The following UGT1A3 variants were observed in gnomAD, a reference collection of about 807,000 sequenced individuals.
The protein encoded by UGT1A3 is UDP glucuronosyltransferase family 1 member A3.
A neutral mutation model predicts 41.0 loss-of-function variants in UGT1A3; 31 were observed. The ratio of observed to expected loss-of-function variants is 0.76; its 90% CI spans 0.57 to 1.02. The LOEUF is 1.02. UGT1A3 is among the 50% of genes least tolerant of loss of function. The probability of loss-of-function intolerance (pLI) is 0.00; values close to 1 mark genes in which losing one functional copy is unlikely to be tolerated. For missense variants in UGT1A3, 737 were observed against 671.0 expected, an observed-to-expected ratio of 1.10 and a Z score of -1.09; for synonymous variants, 262 against 257.6, an observed-to-expected ratio of 1.02 and a Z score of -0.17.
chr2:233,754,773 G>A (rs1178551708), intron 1 of UGT1A3: 7 of 1,057,998 alleles, frequency 6.6e-6, no homozygotes, highest in Non-Finnish European at 9.2e-6. Context: ...ACTTCCCAGG[G>A]AGCCAAAGGA....
At chr2:233,738,133 A>G (rs1397029261) in intron 1 of UGT1A3, among the ~76,000 whole-genome samples, 2 of 152,126 alleles carry the variant, frequency 1.3e-5, no homozygotes, top group African/African-American at 2.4e-5. Flanking sequence ...AGGGGCCCTT[A>G]TCCCTTCACT....
At chr2:233,754,204 A>G (rs1695418999) in intron 1 of UGT1A3, 1 of 163,390 alleles carries the variant, frequency 6.1e-6, no homozygotes, top group South Asian at 1.6e-4. Flanking sequence ...AAAACATTGA[A>G]GTCAAATGAT....
At chr2:233,745,781 CAG>C (rs757535018) in intron 1 of UGT1A3, among the ~76,000 whole-genome samples, 4 of 150,162 alleles carry the variant, frequency 2.7e-5, no homozygotes, top group Non-Finnish European at 5.9e-5. Flanking sequence ...TGAGCTTAGA[CAG>C]GGGGGCTGGG....
intron 1 of UGT1A3, among the ~76,000 whole-genome samples, chr2:233,766,078 C>T (rs1051764857): frequency 4.6e-5 from 7 of 152,154 alleles, no homozygotes; most frequent in African/African-American, 1.4e-4. Flanking sequence ...TCTACCTTGT[C>T]GCAAGGACAG....
At chr2:233,747,290 C>A (rs1693611361) in intron 1 of UGT1A3, 1 of 1,601,096 alleles carries the variant, frequency 6.2e-7, no homozygotes, top group Admixed American at 1.7e-5. Context: ...CAGCCCTGGG[C>A]TGAGAGTGGG....
chr2:233,769,616 G>A lies in UGT1A3; in HGVS notation c.1307+1177G>A, dbSNP rs2126047271. The stretch of plus-strand genomic sequence containing the variant: ...ACGGAACACGGGGACACACCAGCTT[G>A]AGCAAGGGACAACAGGGGAGGACTG... On this transcript the variant is annotated intron_variant, in intron 4 of 4. Transcript: ENST00000482026. This position sits in a 1 kb window ranked among gnomAD's most constrained non-coding sequence, Gnocchi z 4.4. The A allele has an allele frequency of 1.9e-6, 3 of 1,612,698 alleles. No individual in the cohort carries two copies. Among genetic ancestry groups the A allele is most frequent in the East Asian group, 4.5e-5 (2 of 44,884 alleles).
At chr2:233,740,302 A>C (rs564436017) in intron 1 of UGT1A3, among the ~76,000 whole-genome samples, 20 of 152,050 alleles carry the variant, frequency 1.3e-4, no homozygotes, top group Non-Finnish European at 2.5e-4. Flanking sequence ...GGAGAGTCTG[A>C]GAAAAGGAAA....
At chr2:233,749,891 C>G (rs769638729) in intron 1 of UGT1A3, among the ~76,000 whole-genome samples, 2 of 151,948 alleles carry the variant, frequency 1.3e-5, no homozygotes, top group African/African-American at 4.9e-5. Context: ...CTGAGGCTCC[C>G]CCCTCCAGCC....
chr2:233,756,911 G>T (rs1386201221), intron 1 of UGT1A3, among the ~76,000 whole-genome samples: 2 of 152,132 alleles, frequency 1.3e-5, no homozygotes, highest in Non-Finnish European at 2.9e-5. Flanking sequence ...ACAAACTTCT[G>T]AGTTTATATA....
At chr2:233,747,138 G>A in intron 1 of UGT1A3, 1 of 1,552,384 alleles carries the variant, frequency 6.4e-7, no homozygotes. Context: ...CAGTGACAAG[G>A]TAATTAAGAT....
At chr2:233,760,125 C>T in intron 1 of UGT1A3, 1 of 1,316,530 alleles carries the variant, frequency 7.6e-7, no homozygotes, top group Admixed American at 2.6e-5. Context: ...TAAAGCTCCA[C>T]CTTCTTTATC....
intron 1 of UGT1A3, chr2:233,747,118 C>G: frequency 6.9e-7 from 1 of 1,458,022 alleles, no homozygotes. Flanking sequence ...TGATGATTTG[C>G]TAAGTGGCTC....
At chr2:233,742,236 G>A (rs571045989) in intron 1 of UGT1A3, among the ~76,000 whole-genome samples, 1 of 151,990 alleles carries the variant, frequency 6.6e-6, no homozygotes, top group African/African-American at 2.4e-5. Context: ...CCCAAACAGA[G>A]ATTTACCCAC....
At chr2:233,766,898 A>T in intron 1 of UGT1A3, 136 bp from the exon 2 acceptor site, 1 of 1,483,786 alleles carries the variant, frequency 6.7e-7, no homozygotes, top group Non-Finnish European at 8.9e-7. Flanking sequence ...ACATATTAAT[A>T]ATTTTTTACT....
chr2:233,772,514 G>C lies in UGT1A3; in HGVS notation c.1560G>C (p.Gly520=). ...CTTATGGCTACCGGAAATGCTTGGGGAAAAAAGGGCGAGTTAAGAAAGCCC... is the reference window on the plus strand; with the variant it reads ...CTTATGGCTACCGGAAATGCTTGGGCAAAAAAGGGCGAGTTAAGAAAGCCC... ...CCAYGYRKCL[G]KKGRVKKAHK... Residue 520 remains glycine, a synonymous_variant, in exon 5 of 5, where the codon GGG becomes GGC. Transcript: ENST00000482026. The C allele has an allele frequency of 6.2e-7, 1 of 1,614,126 alleles. No individual in the cohort carries two copies. Among genetic ancestry groups the C allele is most frequent in the Non-Finnish European group, 8.5e-7 (1 of 1,180,014 alleles).
intron 1 of UGT1A3, chr2:233,747,179 G>T: frequency 3.1e-6 from 5 of 1,601,464 alleles, no homozygotes; most frequent in Non-Finnish European, 4.3e-6. Context: ...GCACAGCGTG[G>T]GGTGGACAGT....
intron 1 of UGT1A3, chr2:233,755,333 G>C (rs878855763): frequency 6.6e-6 from 3 of 455,150 alleles, no homozygotes; most frequent in South Asian, 1.9e-5. Context: ...CAGCACCCGC[G>C]CACAGGTCAG....
intron 1 of UGT1A3, among the ~76,000 whole-genome samples, chr2:233,731,952 T>C (rs2078222480): frequency 6.6e-6 from 1 of 152,218 alleles, no homozygotes; most frequent in African/African-American, 2.4e-5. Context: ...ATCTGTTGTT[T>C]CCTGACTTTT....
At chr2:233,752,961 T>G (rs1695097435) in intron 1 of UGT1A3, among the ~76,000 whole-genome samples, 1 of 152,248 alleles carries the variant, frequency 6.6e-6, no homozygotes, top group African/African-American at 2.4e-5. Context: ...ATGGGATTTA[T>G]GTAACCAATT....
Sources: allele counts gnomAD v4.1 joint callset (sites outside exome capture counted in the v4.1 genomes callset), GRCh38; gene constraint gnomAD v4.1.1; non-coding constraint Gnocchi (gnomAD v3.1); transcripts MANE v1.5; gene names NCBI Gene and HGNC (gene_info 2026-07-23, HGNC 2026-07-21).